The following PTPRN2 variants were observed in gnomAD, a reference collection of about 807,000 sequenced individuals.
PTPRN2 encodes receptor-type tyrosine-protein phosphatase N2.
In PTPRN2, 74 loss-of-function variants were observed where a neutral mutation model predicts 118.8. That is an observed-to-expected ratio of 0.62 (90% CI 0.52 to 0.76). The LOEUF (loss-of-function observed/expected upper bound fraction) is 0.76. Ranked by LOEUF, PTPRN2 falls within the 30% of genes least tolerant of loss-of-function variation. PTPRN2 has a pLI of 0.00. For synonymous variants in PTPRN2, 641 were observed against 608.0 expected (o/e 1.05, Z -0.80); for missense variants, 1,481 against 1,394.4 (o/e 1.06, Z -0.99).
At position 158,587,727 on chromosome 7, in the gene PTPRN2, G is replaced by A. The variant is rs901780200; in HGVS notation, c.-58C>T. On this transcript the variant is annotated 5_prime_UTR_variant, in exon 1 of 23. Coordinates refer to ENST00000389418, the MANE Select transcript of PTPRN2 (RefSeq NM_002847.5). ...GGCCGCGCGGGAGGCGGCGGGAGGC[G>A]GCCGAGTCCGGGCCCAGGGAGGCGC... 8.0e-6 allele frequency: 9 copies of A among 1,128,864 alleles called. No individual in the cohort carries two copies. Among genetic ancestry groups the A allele is most frequent in the Non-Finnish European group, 8.7e-6 (8 of 923,848 alleles). The allele number at this position is 1,128,864 out of a possible 1,614,324, so 69.9% of individuals were successfully genotyped here.
At chr7:158,083,927 T>C (rs1489267711) in intron 10 of PTPRN2, among the ~76,000 whole-genome samples, 1 of 13,726 alleles carries the variant, frequency 7.3e-5, no homozygotes, top group East Asian at 0.036. Context: ...CTTCCCTAAC[T>C]TGAATATGTG....
intron 11 of PTPRN2, among the ~76,000 whole-genome samples, chr7:157,966,369 T>A (rs564550754): frequency 6.6e-6 from 1 of 152,044 alleles, no homozygotes; most frequent in South Asian, 2.1e-4. Context: ...AACATCTTCA[T>A]CACCATCATT....
At chr7:157,772,086 C>G (rs1241813789) in intron 12 of PTPRN2, among the ~76,000 whole-genome samples, 1 of 151,038 alleles carries the variant, frequency 6.6e-6, no homozygotes, top group Non-Finnish European at 1.5e-5. Context: ...AGAACACAGA[C>G]ACAAACACAC....
At chr7:158,188,978 G>T (rs1289471290) in intron 5 of PTPRN2, among the ~76,000 whole-genome samples, 1 of 152,192 alleles carries the variant, frequency 6.6e-6, no homozygotes, top group Non-Finnish European at 1.5e-5. Context: ...CCCAGGACAT[G>T]CAGTACACTG....
chr7:158,516,185 G>C (rs1198161028), intron 1 of PTPRN2, among the ~76,000 whole-genome samples: 2 of 152,152 alleles, frequency 1.3e-5, no homozygotes, highest in Non-Finnish European at 2.9e-5. Context: ...ACAATTAAAA[G>C]TGAATCATTC....
In PTPRN2 at chr7:157,629,022, A is replaced by G. The variant is rs912321656; in HGVS notation, c.2197-7513T>C. On this transcript the variant is annotated intron_variant, in intron 14 of 22. Coordinates refer to ENST00000389418, the MANE Select transcript of PTPRN2 (RefSeq NM_002847.5). The surrounding 1 kb of genome is among the most constrained non-coding windows in gnomAD (Gnocchi z 4.4). Reference sequence around the variant, plus strand: ...ATTTCTCCGGTGGGAAGAGCACACCAGCATCCCGTGTGCATCTGATGCAGG... The same window carrying G: ...ATTTCTCCGGTGGGAAGAGCACACCGGCATCCCGTGTGCATCTGATGCAGG... Among the ~76,000 whole-genome samples, 36 of 152,182 alleles carry G rather than the reference A, an allele frequency of 2.4e-4. No homozygotes were observed. The highest frequency in any genetic ancestry group is 7.7e-4 in the African/African-American group (32 of 41,454).
intron 12 of PTPRN2, among the ~76,000 whole-genome samples, chr7:157,795,677 A>G (rs961083074): frequency 6.6e-6 from 1 of 152,230 alleles, no homozygotes; most frequent in Non-Finnish European, 1.5e-5. Flanking sequence ...CAACCAAGGA[A>G]CTTCCGCCAT....
In PTPRN2 at chr7:157,870,954, C is replaced by T. The variant is rs148091194; in HGVS notation, c.1788+27719G>A. 2.9e-3 allele frequency among the ~76,000 whole-genome samples: 440 copies of T among 152,272 alleles called. 2 individuals are homozygous for T. Among genetic ancestry groups the T allele is most frequent in the African/African-American group, 9.9e-3 (412 of 41,552 alleles). ...GATAGCTTTGGGTTTATTGGGCGTT[C>T]GATGTTGGGGATTGGATGGCCTGGC... is the stretch of plus-strand genomic sequence containing the variant. On this transcript the variant is annotated intron_variant, in intron 12 of 22. Transcript: ENST00000389418.
At chr7:157,544,986 G>A (rs1798213031) in intron 22 of PTPRN2, among the ~76,000 whole-genome samples, 1 of 150,450 alleles carries the variant, frequency 6.6e-6, no homozygotes, top group African/African-American at 2.4e-5. Flanking sequence ...CTGTGCAGGT[G>A]TGTGGGTGTG....
chr7:158,205,396 T>TC (rs1266463686), intron 3 of PTPRN2, 123 bp from the exon 4 acceptor site: 1 of 670,572 alleles, frequency 1.5e-6, no homozygotes, highest in Non-Finnish European at 2.7e-6. Flanking sequence ...AAAGTAAGCC[T>TC]CCCTCTCACT....
At chr7:158,336,600 C>G (rs1256602516) in intron 2 of PTPRN2, among the ~76,000 whole-genome samples, 1 of 147,972 alleles carries the variant, frequency 6.8e-6, no homozygotes, top group Non-Finnish European at 1.5e-5. Context: ...CATTCACACC[C>G]ACACTCTCAC....
intron 6 of PTPRN2, among the ~76,000 whole-genome samples, chr7:158,160,107 A>G (rs1035740706): frequency 6.6e-6 from 1 of 152,112 alleles, no homozygotes; most frequent in South Asian, 2.1e-4. Context: ...TAACTTAAGG[A>G]GTTGTGTGTG....
intron 3 of PTPRN2, among the ~76,000 whole-genome samples, chr7:158,225,370 C>G (rs768426808): frequency 2.0e-5 from 3 of 152,010 alleles, no homozygotes; most frequent in Admixed American, 2.0e-4. Context: ...CTCTGCACCA[C>G]GGAGCACCAC....
intron 2 of PTPRN2, among the ~76,000 whole-genome samples, chr7:158,481,691 T>C (rs548401070): frequency 8.5e-5 from 13 of 152,326 alleles, no homozygotes; most frequent in African/African-American, 3.1e-4. Context: ...CTTGAACTCC[T>C]GACCTTGTGA....
intron 2 of PTPRN2, among the ~76,000 whole-genome samples, chr7:158,325,209 G>GTCCCCACAATTATCCACAGAGAT (rs1803395820): frequency 1.3e-5 from 2 of 152,246 alleles, no homozygotes; most frequent in African/African-American, 4.8e-5. Flanking sequence ...GGGTCCCCCA[G>GTCCCCACAATTATCCACAGAGAT]CCAGGAGCAT....
intron 16 of PTPRN2, among the ~76,000 whole-genome samples, chr7:157,601,133 C>G (rs1208329519): frequency 6.6e-6 from 1 of 152,160 alleles, no homozygotes; most frequent in East Asian, 1.9e-4. Context: ...AAATGTAGCT[C>G]ATGGGTTTCT....
intron 15 of PTPRN2, among the ~76,000 whole-genome samples, chr7:157,620,765 A>T (rs1208287460): frequency 6.6e-6 from 1 of 152,184 alleles, no homozygotes; most frequent in Non-Finnish European, 1.5e-5. Flanking sequence ...GGAGATTCCC[A>T]GGAGGGCCTT....
rs375775542 is a variant in PTPRN2 at position 157,580,030 on chromosome 7, G to A, written c.2497-1890C>T. ...AAAAAGTTAATTTGGATTTTGGTAT[G>A]AATGCAGAATCAGTAAAAATCCCAG... On this transcript the variant is annotated intron_variant, in intron 17 of 22. Coordinates refer to ENST00000389418, the MANE Select transcript of PTPRN2 (RefSeq NM_002847.5). Among the ~76,000 whole-genome samples, 10 of 152,312 alleles carry A rather than the reference G, an allele frequency of 6.6e-5. No homozygotes were observed. The East Asian group carries it at 1.9e-3, about 29-fold the overall frequency.
At chr7:158,450,562 G>A (rs564194583) in intron 2 of PTPRN2, among the ~76,000 whole-genome samples, 32 of 152,296 alleles carry the variant, frequency 2.1e-4, no homozygotes, top group Non-Finnish European at 5.9e-5. Context: ...GGGAGCCACC[G>A]CCGACTTGAT....
Sources: allele counts gnomAD v4.1 joint callset (sites outside exome capture counted in the v4.1 genomes callset), GRCh38; gene constraint gnomAD v4.1.1; non-coding constraint Gnocchi (gnomAD v3.1); transcripts MANE v1.5; gene names NCBI Gene and HGNC (gene_info 2026-07-23, HGNC 2026-07-21).